The following ACOXL variants were observed in gnomAD, a reference collection of about 807,000 sequenced individuals.
ACOXL encodes the protein acyl-coenzyme A oxidase-like protein.
Under a neutral mutation model 71.9 loss-of-function variants are expected in ACOXL, and 70 were observed. The observed-to-expected ratio is 0.97, with a 90% confidence interval of 0.80 to 1.19. ACOXL has a LOEUF of 1.19. Among genes scored for constraint, ACOXL ranks in the 50% most tolerant of loss-of-function variants. The pLI is 0.00. For missense variants in ACOXL, 703 were observed against 736.3 expected, an observed-to-expected ratio of 0.95 and a Z score of 0.52; for synonymous variants, 253 against 281.6, an observed-to-expected ratio of 0.90 and a Z score of 1.02.
chr2:110,942,373 G>A (rs1444878403), intron 12 of ACOXL, among the ~76,000 whole-genome samples: 1 of 152,172 alleles, frequency 6.6e-6, no homozygotes, highest in Non-Finnish European at 1.5e-5. Context: ...GATGGGAAAA[G>A]ATGCACCATG....
chr2:111,003,655 A>G (rs940882660), intron 14 of ACOXL, among the ~76,000 whole-genome samples: 3 of 150,918 alleles, frequency 2.0e-5, no homozygotes, highest in African/African-American at 7.3e-5. Context: ...AGAGTAGGTT[A>G]TGATATAAAT....
At chr2:110,737,878 T>A (rs1402682282) in intron 1 of ACOXL, among the ~76,000 whole-genome samples, 3 of 152,232 alleles carry the variant, frequency 2.0e-5, no homozygotes, top group Non-Finnish European at 4.4e-5. Context: ...TTGGTTACCC[T>A]TTGTAGAAGC....
At chr2:110,852,122 C>T (rs1033694936) in intron 10 of ACOXL, among the ~76,000 whole-genome samples, 1 of 152,192 alleles carries the variant, frequency 6.6e-6, no homozygotes, top group Non-Finnish European at 1.5e-5. Flanking sequence ...GGCAGGTCTG[C>T]TGGGTGTGGG....
intron 10 of ACOXL, among the ~76,000 whole-genome samples, chr2:110,872,263 T>G (rs1439916895): frequency 1.3e-5 from 2 of 152,178 alleles, no homozygotes; most frequent in Admixed American, 6.5e-5. Context: ...TTGTTCTGCC[T>G]TCTTTTGGTT....
chr2:110,909,002 CTG>C (rs2059557888), intron 11 of ACOXL, 97 bp downstream of exon 11: 7 of 919,148 alleles, frequency 7.6e-6, no homozygotes, highest in East Asian at 2.6e-5. Context: ...CATTTTCTAA[CTG>C]TGATCAGGAA....
chr2:111,033,022 C>T (rs541204351), intron 15 of ACOXL, among the ~76,000 whole-genome samples: 84 of 152,260 alleles, frequency 5.5e-4, no homozygotes, highest in African/African-American at 2.0e-3. Flanking sequence ...CTGGAGTAAA[C>T]GTGCCGAGAG....
intron 16 of ACOXL, among the ~76,000 whole-genome samples, chr2:111,053,057 G>A (rs143122223): frequency 6.6e-6 from 1 of 152,278 alleles, no homozygotes; most frequent in East Asian, 1.9e-4. Flanking sequence ...GTAACCTTGA[G>A]CAGGTCACTT....
chr2:111,081,312 C>T (rs1390183336), intron 16 of ACOXL, among the ~76,000 whole-genome samples: 1 of 152,232 alleles, frequency 6.6e-6, no homozygotes, highest in Admixed American at 6.5e-5. Context: ...GTATAAGCAA[C>T]TTCAGCAAAG....
At chr2:110,839,985 G>GTTGT (rs1193842358) in intron 9 of ACOXL, among the ~76,000 whole-genome samples, 1 of 151,860 alleles carries the variant, frequency 6.6e-6, no homozygotes, top group Non-Finnish European at 1.5e-5. Context: ...TGTTGTTGTT[G>GTTGT]TTGTTTGTTG....
chr2:110,948,507 C>G (rs1033925473), intron 12 of ACOXL, among the ~76,000 whole-genome samples: 1 of 151,974 alleles, frequency 6.6e-6, no homozygotes, highest in Non-Finnish European at 1.5e-5. Context: ...CTCTGGGAAT[C>G]ACAAAGAGAT....
At chr2:110,996,097 G>A (rs2063385450) in intron 14 of ACOXL, 93 bp downstream of exon 14, 6 of 1,083,124 alleles carry the variant, frequency 5.5e-6, no homozygotes, top group Non-Finnish European at 8.4e-6. Flanking sequence ...TAGAGGATGA[G>A]TCAGCCTAAT....
intron 17 of ACOXL, chr2:111,093,479 T>A: frequency 1.9e-6 from 3 of 1,614,058 alleles, no homozygotes; most frequent in Non-Finnish European, 2.5e-6. Context: ...ATTACATCCT[T>A]TCTGCAGGAG....
chr2:110,743,281 A>G (rs1304874785), intron 1 of ACOXL, among the ~76,000 whole-genome samples: 1 of 152,224 alleles, frequency 6.6e-6, no homozygotes, highest in Non-Finnish European at 1.5e-5. Context: ...GCTGTGTTGT[A>G]TGCATATATC....
At chr2:110,898,526 T>C (rs1228364548) in intron 10 of ACOXL, among the ~76,000 whole-genome samples, 1 of 152,196 alleles carries the variant, frequency 6.6e-6, no homozygotes, top group African/African-American at 2.4e-5. Context: ...AAAAAGTGTT[T>C]GAAAAATTCA....
intron 3 of ACOXL, among the ~76,000 whole-genome samples, chr2:110,791,976 G>C (rs896038665): frequency 6.6e-6 from 1 of 152,120 alleles, no homozygotes; most frequent in African/African-American, 2.4e-5. Context: ...CCCCAACCGG[G>C]TCCTCATACA....
At chr2:111,110,288 C>T (rs1224230619) in intron 17 of ACOXL, among the ~76,000 whole-genome samples, 1 of 152,116 alleles carries the variant, frequency 6.6e-6, no homozygotes, top group African/African-American at 2.4e-5. Context: ...GTTCACTGTG[C>T]TTAGTCCACC....
chr2:110,923,969 T>A (rs929880878), intron 11 of ACOXL, among the ~76,000 whole-genome samples: 13 of 151,680 alleles, frequency 8.6e-5, no homozygotes, highest in Admixed American at 7.2e-4. Flanking sequence ...AGCATGAATG[T>A]CAGTACAGAT....
intron 12 of ACOXL, among the ~76,000 whole-genome samples, chr2:110,959,003 C>T (rs1042063463): frequency 7.2e-5 from 11 of 152,226 alleles, no homozygotes; most frequent in South Asian, 6.2e-4. Flanking sequence ...CAGGCCTGCA[C>T]GGCCCCTCCA....
At chr2:110,854,717 G>C (rs1693035492) in intron 10 of ACOXL, among the ~76,000 whole-genome samples, 1 of 152,216 alleles carries the variant, frequency 6.6e-6, no homozygotes, top group Admixed American at 6.5e-5. Context: ...CAGAGATCTG[G>C]AAAGCTCTTG....
Sources: allele counts gnomAD v4.1 joint callset (sites outside exome capture counted in the v4.1 genomes callset), GRCh38; gene constraint gnomAD v4.1.1; transcripts MANE v1.5; gene names NCBI Gene and HGNC (gene_info 2026-07-23, HGNC 2026-07-21).